Variants in SLC12A9 observed in about 807,000 individuals in gnomAD.
SLC12A9 encodes the protein CCC-interacting protein 1.
In SLC12A9, 55 loss-of-function variants were observed where a neutral mutation model predicts 66.0. That is an observed-to-expected ratio of 0.83 (90% confidence interval 0.67 to 1.04). The LOEUF (loss-of-function observed/expected upper bound fraction) is 1.04, where lower values mean the gene tolerates loss of function less well. SLC12A9 is among the 50% of genes least tolerant of loss of function. The pLI is 0.00. For missense variants in SLC12A9, 1,061 were observed against 1,241.9 expected (o/e 0.85, Z 2.19); for synonymous variants, 577 against 569.0 (o/e 1.01, Z -0.20).
intron 1 of SLC12A9, among the ~76,000 whole-genome samples, chr7:100,844,960 A>G (rs539411107): frequency 6.6e-6 from 1 of 152,138 alleles, no homozygotes; most frequent in South Asian, 2.1e-4. Flanking sequence ...CCTGTTATAT[A>G]TGTGGAGGAG....
upstream of SLC12A9, among the ~76,000 whole-genome samples, chr7:100,850,475 A>G (rs906590462): frequency 6.6e-6 from 1 of 151,506 alleles, no homozygotes; most frequent in Non-Finnish European, 1.5e-5. Context: ...CCTGGCCTCA[A>G]ATGACCCTTC....
chr7:100,860,492 A>G lies in SLC12A9; in HGVS notation c.1218+260A>G, dbSNP rs57338035. Reference sequence around the variant, plus strand: ...GGTACACGGGCATTGTGCAGGGTTCACTGACACTTTTTGGGGTATACTAGT... The same window carrying G: ...GGTACACGGGCATTGTGCAGGGTTCGCTGACACTTTTTGGGGTATACTAGT... On this transcript the variant is annotated intron_variant, in intron 9 of 13. Coordinates refer to ENST00000354161, the MANE Select transcript of SLC12A9 (RefSeq NM_020246.4). 3.4e-3 allele frequency: 1,756 copies of G among 513,026 alleles called. 24 individuals carry two copies. The highest frequency in any genetic ancestry group is 0.031 in the African/African-American group (1,625 of 51,898). The allele number at this position is 513,026 out of a possible 1,614,324, so 31.8% of individuals were successfully genotyped here.
chr7:100,862,940 G>C (rs907418032), intron 13 of SLC12A9, 113 bp downstream of exon 13: 2 of 1,290,734 alleles, frequency 1.5e-6, no homozygotes, highest in Non-Finnish European at 2.2e-6. Flanking sequence ...GGACCTTATA[G>C]TCGAGAGGAG....
rs567591395 is a variant in SLC12A9 at position 100,862,771 on chromosome 7, C to T, written c.1802C>T (p.Thr601Ile). ...RAQVKAFVDL[T>I]LSPSVRQGAQ... ...CAGGTGAAGGCTTTTGTGGATCTAA[C>T]CCTCTCACCCTCCGTGCGCCAGGGG... The change falls in exon 13 of 14, where the codon ACC (threonine) becomes ATC (isoleucine). Residue 601 changes from threonine (T) to isoleucine (I), a missense_variant. By Grantham distance (89) the Thr-to-Ile change is moderately conservative. Transcript: ENST00000354161. 15 of 1,614,078 alleles carry T rather than the reference C, an allele frequency of 9.3e-6. No individual in the cohort carries two copies. Among genetic ancestry groups the T allele is most frequent in the Non-Finnish European group, 8.5e-6 (10 of 1,180,042 alleles).
chr7:100,862,699 C>A lies in SLC12A9; in HGVS notation c.1730C>A (p.Pro577His), dbSNP rs1171064588. The A allele has an allele frequency of 6.2e-7, 1 of 1,614,110 alleles. No individual in the cohort carries two copies. The highest frequency in any genetic ancestry group is 1.3e-5 in the African/African-American group (1 of 74,926). ...TCTGTAGACTCCCTGCCCTCGGACC[C>A]TGTACAGCCGCAGTATGGGGCATGG... is the stretch of plus-strand genomic sequence containing the variant. ...LGDLDSLPSDPVQPQYGAWLS... is the reference protein window; with the variant it reads ...LGDLDSLPSDHVQPQYGAWLS... Residue 577 changes from proline (P) to histidine (H), a missense_variant, in exon 13 of 14, where the codon CCT becomes CAT. Physicochemically the swap from Pro to His is moderately conservative, Grantham distance 77. Transcript: ENST00000354161.
At chr7:100,849,501 A>C (rs1224742845), upstream of SLC12A9, among the ~76,000 whole-genome samples, 1 of 151,768 alleles carries the variant, frequency 6.6e-6, no homozygotes, top group Non-Finnish European at 1.5e-5. Flanking sequence ...GGATCAACTG[A>C]GGGCAGCAGT....
rs201237677 is a variant in SLC12A9, at chr7:100,838,516, ATTAT to A, written n.228+11484_228+11487del. On this transcript the variant is annotated intron_variant and non_coding_transcript_variant, in intron 1 of 1. Transcript: ENST00000461016. ...GACACTTCTGAGCAGAGGAGATACT[ATTAT>A]TTATTTATTTATTTTGAGACAGAGT... 1.7e-4 allele frequency among the ~76,000 whole-genome samples: 26 copies of A among 151,962 alleles called. No homozygotes were observed. In the East Asian group the frequency reaches 4.3e-3, roughly 25 times the overall value.
intron 13 of SLC12A9, 31 bp downstream of exon 13, chr7:100,862,858 CT>C: frequency 6.2e-7 from 1 of 1,612,554 alleles, no homozygotes; most frequent in African/African-American, 1.3e-5. Context: ...TGCCCTCGGC[CT>C]TCCTCTGTGG....
At chr7:100,849,656 A>C (rs75950753), upstream of SLC12A9, among the ~76,000 whole-genome samples, 1 of 148,052 alleles carries the variant, frequency 6.8e-6, no homozygotes, top group Non-Finnish European at 1.5e-5. Context: ...CGGAGGGTGC[A>C]GTGAGCTGAG....
At chr7:100,839,813 C>T (rs923787317) in intron 1 of SLC12A9, among the ~76,000 whole-genome samples, 9 of 152,068 alleles carry the variant, frequency 5.9e-5, no homozygotes, top group Non-Finnish European at 7.4e-5. Flanking sequence ...GAGGCCAAGG[C>T]GGGCGGATGA....
chr7:100,845,373 G>C (rs1295964663), intron 1 of SLC12A9, among the ~76,000 whole-genome samples: 1 of 151,396 alleles, frequency 6.6e-6, no homozygotes, highest in Non-Finnish European at 1.5e-5. Context: ...TTTTTGAGAC[G>C]GAGTCTTGCT....
At chr7:100,840,081 G>C (rs1199122886) in intron 1 of SLC12A9, among the ~76,000 whole-genome samples, 4 of 151,936 alleles carry the variant, frequency 2.6e-5, no homozygotes, top group Non-Finnish European at 4.4e-5. Context: ...CTCTGGTTTT[G>C]GTTTTGACCT....
chr7:100,829,127 A>G (rs964201534), intron 1 of SLC12A9, among the ~76,000 whole-genome samples: 27 of 152,000 alleles, frequency 1.8e-4, no homozygotes, highest in Non-Finnish European at 3.7e-4. Flanking sequence ...AGCTGGGATT[A>G]CAGGCACAGG....
intron 13 of SLC12A9, among the ~76,000 whole-genome samples, chr7:100,864,616 T>C (rs867939473): frequency 3.3e-5 from 5 of 152,190 alleles, no homozygotes; most frequent in Admixed American, 6.5e-5. Flanking sequence ...AGCATTGTGG[T>C]TGCCACGTGC....
chr7:100,864,521 C>A lies in SLC12A9; in HGVS notation c.1859-1198C>A, dbSNP rs561718770. The stretch of plus-strand genomic sequence containing the variant: ...GAAGGGGTCTTGGAAGAGGTCTCTG[C>A]GTCTCCCTGTAAACTCAGCAATTAT... On this transcript the variant is annotated intron_variant, in intron 13 of 13. Transcript: ENST00000354161. Among the ~76,000 whole-genome samples, 17 of 115,572 alleles carry A rather than the reference C, an allele frequency of 1.5e-4. No individual in the cohort carries two copies. The South Asian group carries it at 2.1e-3, about 14-fold the overall frequency. The allele number at this position is 115,572 out of a possible 152,430, so 75.8% of individuals were successfully genotyped here. A position where few individuals can be genotyped will look rare whatever the true frequency, so the allele number is the denominator to read the frequency against.
rs1222681433 is a variant in SLC12A9, at chr7:100,866,750, G to A, written c.*145G>A. 3.4e-6 allele frequency: 3 copies of A among 876,426 alleles called. No homozygotes were observed. The highest frequency in any genetic ancestry group is 4.9e-6 in the Non-Finnish European group (3 of 610,348). The allele number at this position is 876,426 out of a possible 1,614,324, so 54.3% of individuals were successfully genotyped here. A position where few individuals can be genotyped will look rare whatever the true frequency, so the allele number is the denominator to read the frequency against. ...AGGGGAGGTTTGAAGGGGATCCTGG[G>A]CTTGGGCATCACGCCCACCTCCTTT... On this transcript the variant is annotated 3_prime_UTR_variant, in exon 14 of 14. Coordinates refer to ENST00000354161, the MANE Select transcript of SLC12A9 (RefSeq NM_020246.4). This position sits in a 1 kb window ranked among gnomAD's most constrained non-coding sequence, Gnocchi z 7.3.
Position 100,859,084 on chromosome 7 carries a change from G to A in SLC12A9, c.900G>A (p.Leu300=). The change falls in exon 7 of 14, where the codon CTG becomes CTA. Residue 300 remains leucine, a synonymous_variant. Transcript: ENST00000354161. The part of the protein sequence containing the change: ...ELKDPSRAIP[L]GTIVAVAYTF... ...AGGACCCCAGCCGGGCGATCCCTCT[G>A]GGCACGATCGTCGCCGTCGCCTACA... The A allele has an allele frequency of 6.2e-7, 1 of 1,613,820 alleles. No homozygotes were observed.
At chr7:100,847,824 G>A (rs1173405449), upstream of SLC12A9, among the ~76,000 whole-genome samples, 2 of 152,102 alleles carry the variant, frequency 1.3e-5, no homozygotes, top group South Asian at 2.1e-4. Context: ...CATGGCTCAC[G>A]CCTGTAATCC....
intron 1 of SLC12A9, among the ~76,000 whole-genome samples, chr7:100,836,386 C>A (rs1813660279): frequency 6.6e-6 from 1 of 152,024 alleles, no homozygotes; most frequent in Non-Finnish European, 1.5e-5. Flanking sequence ...TAGGCCGGGC[C>A]CCAGAGGAGA....
Sources: allele counts gnomAD v4.1 joint callset (sites outside exome capture counted in the v4.1 genomes callset), GRCh38; gene constraint gnomAD v4.1.1; non-coding constraint Gnocchi (gnomAD v3.1); transcripts MANE v1.5; gene names NCBI Gene and HGNC (gene_info 2026-07-23, HGNC 2026-07-21).